The following ARID1B variants were observed in gnomAD, a reference collection of about 807,000 sequenced individuals.
The protein encoded by ARID1B is AT-rich interactive domain-containing protein 1B.
In ARID1B, 30 loss-of-function variants were observed where a neutral mutation model predicts 212.3. That is an observed-to-expected ratio of 0.14 (90% CI 0.11 to 0.19). ARID1B has a LOEUF of 0.19. Ranked by LOEUF, ARID1B falls within the 10% of genes least tolerant of loss-of-function variation. ARID1B has a pLI of 1.00. For synonymous variants in ARID1B, 1,402 were observed against 1,301.7 expected (o/e 1.08, Z -1.66); for missense variants, 2,891 against 3,204.0 (o/e 0.90, Z 2.36).
chr6:157,106,086 CAATACAAA>C (rs1425180491), intron 5 of ARID1B, among the ~76,000 whole-genome samples: 5 of 152,068 alleles, frequency 3.3e-5, no homozygotes, highest in Admixed American at 3.3e-4. Flanking sequence ...TAGACCCCAG[CAATACAAA>C]AATACATCCA....
At chr6:156,865,455 G>C (rs192101992) in intron 2 of ARID1B, among the ~76,000 whole-genome samples, 20 of 152,184 alleles carry the variant, frequency 1.3e-4, no homozygotes, top group African/African-American at 4.6e-4. Context: ...CTTGCTTCTT[G>C]TTTCCTAATC....
At chr6:157,156,765 A>AT (rs1238135603) in intron 8 of ARID1B, among the ~76,000 whole-genome samples, 1 of 152,014 alleles carries the variant, frequency 6.6e-6, no homozygotes, top group Non-Finnish European at 1.5e-5. Flanking sequence ...CTCAGGTCTG[A>AT]GGGGGGCCTC....
intron 1 of ARID1B, among the ~76,000 whole-genome samples, chr6:156,806,317 A>T (rs891778505): frequency 1.3e-5 from 2 of 152,188 alleles, no homozygotes; most frequent in Non-Finnish European, 2.9e-5. Flanking sequence ...TTGGGACCCC[A>T]TGCCTTACCG....
rs1429358473 is a variant in ARID1B at position 156,935,654 on chromosome 6, A to G, written c.2247+78A>G. The G allele has an allele frequency of 7.1e-6, 9 of 1,262,256 alleles. No homozygotes were observed. In the South Asian group the frequency reaches 1.0e-4, roughly 14 times the overall value. 78.2% of individuals were successfully genotyped at this position (1,262,256 alleles called of 1,614,324 possible). On this transcript the variant is annotated intron_variant, in intron 4 of 19. Coordinates refer to ENST00000636930, the MANE Select transcript of ARID1B (RefSeq NM_001374828.1). ...AAGAGCTGTTGTTTTTGTTTGTTCT[A>G]CTTTATATTATGACATGATTGAGAA...
intron 4 of ARID1B, among the ~76,000 whole-genome samples, chr6:156,968,319 A>T (rs1000742179): frequency 6.6e-6 from 1 of 152,228 alleles, no homozygotes; most frequent in Non-Finnish European, 1.5e-5. Flanking sequence ...GAACAATATT[A>T]GTGATGAAAA....
Position 157,174,843 on chromosome 6 carries a change from A to G in ARID1B, c.3346-4A>G. 6.6e-7 allele frequency: 1 copy of G among 1,515,884 alleles called. No homozygotes were observed. 93.9% of individuals were successfully genotyped at this position (1,515,884 alleles called of 1,614,324 possible). On this transcript the variant is annotated splice_region_variant and splice_polypyrimidine_tract_variant and intron_variant, in intron 10 of 19. Coordinates refer to ENST00000636930, the MANE Select transcript of ARID1B (RefSeq NM_001374828.1). ...TTTTTTTTTTTTTTATTCCTCTACC[A>G]CAGGATAGCTACAGCTCTCAGGGTA...
chr6:156,856,696 T>TC (rs1784961943), intron 2 of ARID1B, among the ~76,000 whole-genome samples: 1 of 84,224 alleles, frequency 1.2e-5, no homozygotes, highest in Non-Finnish European at 2.5e-5. Context: ...TCTCTCTCTC[T>TC]CTCTCACACA....
intron 2 of ARID1B, among the ~76,000 whole-genome samples, chr6:156,848,652 C>A (rs189074692): frequency 6.6e-6 from 1 of 152,186 alleles, no homozygotes; most frequent in East Asian, 1.9e-4. Flanking sequence ...CTGGATTTGG[C>A]CTGATCCTCA....
In ARID1B at chr6:157,206,850, T is replaced by G. The variant is rs759014168; in HGVS notation, c.6078T>G (p.Phe2026Leu). The stretch of plus-strand genomic sequence containing the variant: ...GGCCCCAGACCGAAAGCAGTAAGTT[T>G]CCCTTTGGTATCCAGCAAGCCAAAA... ...NPGPQTESSK[F>L]PFGIQQAKSH... The change falls in exon 20 of 20, where the codon TTT becomes TTG. Residue 2026 changes from phenylalanine to leucine, a missense_variant. Physicochemically the swap from Phe to Leu is conservative, Grantham distance 22 (BLOSUM62 0). Coordinates refer to ENST00000636930, the MANE Select transcript of ARID1B (RefSeq NM_001374828.1). This position sits in a 1 kb window ranked among gnomAD's most constrained non-coding sequence, Gnocchi z 6.8. 4 of 1,614,098 alleles carry G rather than the reference T, an allele frequency of 2.5e-6. 1 individual carries two copies. The East Asian group carries it at 8.9e-5, about 36-fold the overall frequency.
chr6:156,967,558 G>A (rs1794853910), intron 4 of ARID1B, among the ~76,000 whole-genome samples: 1 of 152,126 alleles, frequency 6.6e-6, no homozygotes, highest in Non-Finnish European at 1.5e-5. Context: ...TGTACATTTG[G>A]TACGTAAGAT....
At chr6:157,006,363 C>T (rs750660329) in intron 4 of ARID1B, among the ~76,000 whole-genome samples, 2 of 152,164 alleles carry the variant, frequency 1.3e-5, no homozygotes, top group Admixed American at 6.5e-5. Flanking sequence ...CACCTCCCTC[C>T]TGGGGCAACA....
At chr6:157,158,969 CTG>C (rs1245173651) in intron 8 of ARID1B, among the ~76,000 whole-genome samples, 1 of 152,168 alleles carries the variant, frequency 6.6e-6, no homozygotes, top group Non-Finnish European at 1.5e-5. Flanking sequence ...GACCAGGAAA[CTG>C]TGCCATTTAC....
rs576293199 is a variant in ARID1B at position 157,029,505 on chromosome 6, C to T, written c.2248-55157C>T. Among the ~76,000 whole-genome samples the T allele has an allele frequency of 3.9e-4, 59 of 152,342 alleles. 1 individual carries two copies. In the South Asian group the frequency reaches 7.9e-3, roughly 20 times the overall value. On this transcript the variant is annotated intron_variant, in intron 4 of 19. Coordinates refer to ENST00000636930, the MANE Select transcript of ARID1B (RefSeq NM_001374828.1). ...GCAACAGTGAATGAGCTAGCCTGCTCTTGTGAAGTTGACATTTCAGTAAAG... is the reference window on the plus strand; with the variant it reads ...GCAACAGTGAATGAGCTAGCCTGCTTTTGTGAAGTTGACATTTCAGTAAAG...
intron 4 of ARID1B, among the ~76,000 whole-genome samples, chr6:157,036,089 T>C (rs888048551): frequency 1.3e-5 from 2 of 152,252 alleles, no homozygotes; most frequent in African/African-American, 4.8e-5. Flanking sequence ...TGTGTTCTGT[T>C]GCCTTCTTTC....
At chr6:156,907,316 T>C (rs1390692687) in intron 3 of ARID1B, among the ~76,000 whole-genome samples, 1 of 152,230 alleles carries the variant, frequency 6.6e-6, no homozygotes, top group Admixed American at 6.5e-5. Flanking sequence ...CATGAGTGGA[T>C]ACTGAATTTT....
At chr6:157,029,328 T>C (rs1043772903) in intron 4 of ARID1B, among the ~76,000 whole-genome samples, 2 of 152,260 alleles carry the variant, frequency 1.3e-5, no homozygotes, top group African/African-American at 2.4e-5. Flanking sequence ...ACCTGTGTCA[T>C]AATGAGCTGT....
At position 157,084,089 on chromosome 6, in the gene ARID1B, G is replaced by A. The variant is rs148964060; in HGVS notation, c.2248-573G>A. On this transcript the variant is annotated intron_variant, in intron 4 of 19. Coordinates refer to ENST00000636930, the MANE Select transcript of ARID1B (RefSeq NM_001374828.1). ...GCAGAGCTTGCAGTGAGCCAAGATC[G>A]CGCCATTACACTCCAGCCTGGGCGA... Among the ~76,000 whole-genome samples, 1,037 of 150,246 alleles carry A rather than the reference G, an allele frequency of 6.9e-3. 13 individuals are homozygous for A. Among genetic ancestry groups the A allele is most frequent in the East Asian group, 0.05 (252 of 5,086 alleles).
chr6:156,818,124 T>TCC lies in ARID1B; in HGVS notation c.1792-11103_1792-11102insCC, dbSNP rs1554255156. Among the ~76,000 whole-genome samples the TCC allele has an allele frequency of 7.5e-5, 10 of 133,442 alleles. No homozygotes were observed. In the South Asian group the frequency reaches 1.9e-3, roughly 25 times the overall value. 87.5% of individuals were successfully genotyped at this position (133,442 alleles called of 152,430 possible). A position where few individuals can be genotyped will look rare whatever the true frequency, so the allele number is the denominator to read the frequency against. On this transcript the variant is annotated intron_variant, in intron 1 of 19. Transcript: ENST00000636930. ...TTTTTTTTTTTTTTTTTTTTTTTTT[T>TCC]AGAATATAAGATTTGACCATATATT...
intron 4 of ARID1B, chr6:156,940,569 C>G (rs1217728026): frequency 6.6e-6 from 1 of 152,164 alleles, no homozygotes; most frequent in East Asian, 1.9e-4. Flanking sequence ...CTTTTATTAC[C>G]AAGAATATTC....
Sources: allele counts gnomAD v4.1 joint callset (sites outside exome capture counted in the v4.1 genomes callset), GRCh38; gene constraint gnomAD v4.1.1; non-coding constraint Gnocchi (gnomAD v3.1); transcripts MANE v1.5; gene names NCBI Gene and HGNC (gene_info 2026-07-23, HGNC 2026-07-21).